Variants in ITFG1 observed in about 807,000 individuals in gnomAD.
The protein encoded by ITFG1 is T-cell immunomodulatory protein.
A neutral mutation model predicts 81.8 loss-of-function variants in ITFG1; 34 were observed. That is an observed-to-expected ratio of 0.42 (90% CI 0.32 to 0.55). The LOEUF is 0.55. ITFG1 is among the 20% of genes least tolerant of loss of function. The probability of loss-of-function intolerance (pLI) is 0.17; values close to 1 mark genes in which losing one functional copy is unlikely to be tolerated. For synonymous variants in ITFG1, 285 were observed against 270.6 expected (o/e 1.05, Z -0.52); for missense variants, 672 against 755.4 (o/e 0.89, Z 1.29).
intron 12 of ITFG1, among the ~76,000 whole-genome samples, chr16:47,242,353 A>G (rs956700295): frequency 1.3e-5 from 2 of 152,036 alleles, no homozygotes; most frequent in African/African-American, 4.8e-5. Context: ...AACACTGAGA[A>G]AGACACTCAA....
At chr16:47,255,927 G>A (rs1262028350) in intron 12 of ITFG1, among the ~76,000 whole-genome samples, 4 of 152,066 alleles carry the variant, frequency 2.6e-5, no homozygotes, top group Admixed American at 6.5e-5. Context: ...TTTTCACCAA[G>A]AAGGATGATG....
At chr16:47,368,719 AT>A (rs1186598501) in intron 7 of ITFG1, among the ~76,000 whole-genome samples, 1 of 152,186 alleles carries the variant, frequency 6.6e-6, no homozygotes, top group Non-Finnish European at 1.5e-5. Flanking sequence ...AAGTGAACAG[AT>A]TACCCCACTG....
At chr16:47,428,955 T>A in intron 5 of ITFG1, 57 bp from the exon 6 acceptor site, 1 of 964,688 alleles carries the variant, frequency 1.0e-6, no homozygotes. Flanking sequence ...AGCATTATTT[T>A]AAAATAAAAA....
At chr16:47,301,697 T>C (rs1967079535) in intron 10 of ITFG1, among the ~76,000 whole-genome samples, 1 of 152,084 alleles carries the variant, frequency 6.6e-6, no homozygotes, top group Admixed American at 6.6e-5. Context: ...TGCCCAGCTA[T>C]TTCCAATTTT....
At chr16:47,313,670 G>T in intron 9 of ITFG1, 59 bp downstream of exon 9, 1 of 888,406 alleles carries the variant, frequency 1.1e-6, no homozygotes, top group Non-Finnish European at 1.8e-6. Context: ...TCTAACCTTA[G>T]AAGATTTTTT....
intron 8 of ITFG1, among the ~76,000 whole-genome samples, chr16:47,330,307 A>C (rs1199564925): frequency 6.6e-6 from 1 of 152,150 alleles, no homozygotes; most frequent in African/African-American, 2.4e-5. Context: ...GATGGATTAA[A>C]GACATAAATG....
chr16:47,412,907 G>C (rs1342376314), intron 6 of ITFG1, among the ~76,000 whole-genome samples: 1 of 152,144 alleles, frequency 6.6e-6, no homozygotes, highest in African/African-American at 2.4e-5. Flanking sequence ...TGCCATTCCT[G>C]AGCCAGTAGG....
chr16:47,376,645 A>C (rs1201166053), intron 6 of ITFG1, among the ~76,000 whole-genome samples: 1 of 152,202 alleles, frequency 6.6e-6, no homozygotes, highest in Non-Finnish European at 1.5e-5. Context: ...TAAAACGATG[A>C]GGTGGCTTAT....
intron 5 of ITFG1, among the ~76,000 whole-genome samples, chr16:47,445,360 T>C (rs1969311853): frequency 6.6e-6 from 1 of 151,794 alleles, no homozygotes; most frequent in Non-Finnish European, 1.5e-5. Flanking sequence ...GAAGACAGCA[T>C]TCTCATGTGA....
At chr16:47,354,190 G>C (rs1968007214) in intron 8 of ITFG1, among the ~76,000 whole-genome samples, 1 of 152,030 alleles carries the variant, frequency 6.6e-6, no homozygotes, top group Non-Finnish European at 1.5e-5. Context: ...GCATGATACT[G>C]TCATAAAAAC....
At chr16:47,190,147 A>C (rs1965274399) in intron 14 of ITFG1, among the ~76,000 whole-genome samples, 1 of 152,074 alleles carries the variant, frequency 6.6e-6, no homozygotes, top group Non-Finnish European at 1.5e-5. Flanking sequence ...CTTGTTGGAG[A>C]TCTGTACCTC....
In ITFG1 at chr16:47,358,309, G is replaced by A. The variant is rs372869969; in HGVS notation, c.802+7479C>T. Among the ~76,000 whole-genome samples the A allele has an allele frequency of 7.9e-5, 12 of 152,070 alleles. No homozygotes were observed. The South Asian group carries it at 1.0e-3, about 13-fold the overall frequency. ...TGTTTTAACTGATTATGATGACTTC[G>A]AATACATGGAAACAGAATTGGCACT... On this transcript the variant is annotated intron_variant, in intron 8 of 17. Transcript: ENST00000320640.
chr16:47,333,263 C>T (rs1196610896), intron 8 of ITFG1, among the ~76,000 whole-genome samples: 1 of 152,076 alleles, frequency 6.6e-6, no homozygotes, highest in Non-Finnish European at 1.5e-5. Flanking sequence ...GACATTGATG[C>T]TTGGTAATAT....
At chr16:47,236,847 C>T (rs980901072) in intron 13 of ITFG1, among the ~76,000 whole-genome samples, 4 of 152,220 alleles carry the variant, frequency 2.6e-5, no homozygotes, top group Non-Finnish European at 5.9e-5. Context: ...GACCTACACA[C>T]TTATTCCCTG....
intron 8 of ITFG1, among the ~76,000 whole-genome samples, chr16:47,360,347 A>C (rs1968093692): frequency 2.0e-5 from 3 of 152,180 alleles, no homozygotes. Flanking sequence ...GAATATCTGC[A>C]ACTTCAAACA....
chr16:47,161,754 G>C lies in ITFG1; in HGVS notation c.1657C>G (p.Arg553Gly). The C allele has an allele frequency of 6.2e-7, 1 of 1,603,024 alleles. No individual in the cohort carries two copies. The highest frequency in any genetic ancestry group is 8.5e-7 in the Non-Finnish European group (1 of 1,170,200). Residue 553 changes from arginine (R) to glycine (G), a missense_variant, in exon 16 of 18, where the codon CGA (arginine) becomes GGA (glycine). Arg to Gly is a moderately radical substitution (Grantham distance 125). This residue lies in a region of ITFG1 where 65 missense variants were observed against 103.3 expected (regional missense o/e 0.63). Coordinates refer to ENST00000320640, the MANE Select transcript of ITFG1 (RefSeq NM_030790.5). ...CGGTTCAAGCAAGTACATTACCTTC[G>C]AGGGACATTGTGAGGGTATGGAATG... Reference protein sequence around the residue: ...IVIPYPHNVPRSWSAKLYLTP... With the variant: ...IVIPYPHNVPGSWSAKLYLTP...
chr16:47,175,158 A>C (rs138367851), intron 14 of ITFG1, among the ~76,000 whole-genome samples: 18 of 152,286 alleles, frequency 1.2e-4, no homozygotes, highest in African/African-American at 3.4e-4. Context: ...TCTGTAAGAA[A>C]TAATAAAAGA....
At chr16:47,378,759 T>C (rs576950916) in intron 6 of ITFG1, among the ~76,000 whole-genome samples, 136 of 151,906 alleles carry the variant, frequency 9.0e-4, no homozygotes, top group Middle Eastern at 3.4e-3. Flanking sequence ...GAAACAAAAA[T>C]AGAGAAAATT....
At chr16:47,429,271 T>G (rs139621415) in intron 5 of ITFG1, among the ~76,000 whole-genome samples, 2 of 152,254 alleles carry the variant, frequency 1.3e-5, no homozygotes, top group South Asian at 2.1e-4. Context: ...TTCATCCATG[T>G]TGAAACATGT....
Sources: gnomAD v4.1 joint callset for allele counts (sites outside exome capture counted in the v4.1 genomes callset) on GRCh38, gnomAD v4.1.1 for gene constraint, gnomAD v4.1.1 regional missense constraint, MANE v1.5 for transcripts, NCBI Gene and HGNC (gene_info 2026-07-23, HGNC 2026-07-21) for gene names.